CUL5: variants seen among roughly 807,000 people sequenced by gnomAD.
CUL5 encodes cullin 5.
Under a neutral mutation model 108.8 loss-of-function variants are expected in CUL5, and 26 were observed. That is an observed-to-expected ratio of 0.24 (90% CI 0.18 to 0.33). The LOEUF (loss-of-function observed/expected upper bound fraction) is 0.33, where lower values mean the gene tolerates loss of function less well. Among genes scored for constraint, CUL5 ranks in the 10% least tolerant of loss-of-function variants. The pLI, the probability that CUL5 is intolerant of heterozygous loss-of-function variation, is 1.00. For synonymous variants in CUL5, 334 were observed against 298.0 expected (o/e 1.12, Z -1.25); for missense variants, 524 against 909.2 (o/e 0.58, Z 5.45).
At chr11:108,087,314 T>A (rs1864242704) in intron 11 of CUL5, among the ~76,000 whole-genome samples, 1 of 152,234 alleles carries the variant, frequency 6.6e-6, no homozygotes, top group African/African-American at 2.4e-5. Context: ...TATGTATGTG[T>A]ATGCACGATG....
intron 1 of CUL5, among the ~76,000 whole-genome samples, chr11:108,028,009 A>G (rs1862492859): frequency 6.6e-6 from 1 of 152,106 alleles, no homozygotes; most frequent in Non-Finnish European, 1.5e-5. Flanking sequence ...GGATATCTAA[A>G]ACCTCAGGCT....
At chr11:108,024,153 T>A (rs947574197) in intron 1 of CUL5, among the ~76,000 whole-genome samples, 1 of 152,236 alleles carries the variant, frequency 6.6e-6, no homozygotes, top group African/African-American at 2.4e-5. Flanking sequence ...AGAATGTGGC[T>A]TTAACAGAGC....
chr11:108,066,836 C>G, intron 7 of CUL5, among the ~76,000 whole-genome samples: 1 of 152,178 alleles, frequency 6.6e-6, no homozygotes, highest in East Asian at 1.9e-4. Context: ...TGAAGATCTT[C>G]TTTTCATACA....
At chr11:108,098,610 T>G in intron 18 of CUL5, 81 bp downstream of exon 18, 1 of 1,235,768 alleles carries the variant, frequency 8.1e-7, no homozygotes, top group Non-Finnish European at 1.1e-6. Context: ...AAATCTTTTT[T>G]GAATTTAAAA....
rs1862654782 is a variant in CUL5, at chr11:108,033,782, T to A, written c.25-20T>A. ...AACTGCATTTAAATTAAACTCCCTTTTATCTTTTTTTTTTTCAAGAATAAA... is the reference window on the plus strand; with the variant it reads ...AACTGCATTTAAATTAAACTCCCTTATATCTTTTTTTTTTTCAAGAATAAA... On this transcript the variant is annotated intron_variant, in intron 1 of 18. Transcript: ENST00000393094. 2 of 1,465,272 alleles carry A rather than the reference T, an allele frequency of 1.4e-6. No homozygotes were observed. The highest frequency in any genetic ancestry group is 1.9e-6 in the Non-Finnish European group (2 of 1,063,286). 90.8% of individuals were successfully genotyped at this position (1,465,272 alleles called of 1,614,324 possible). A position where few individuals can be genotyped will look rare whatever the true frequency, so the allele number is the denominator to read the frequency against.
intron 2 of CUL5, among the ~76,000 whole-genome samples, chr11:108,044,433 A>T (rs1863015072): frequency 1.3e-5 from 2 of 152,034 alleles, no homozygotes; most frequent in African/African-American, 4.8e-5. Context: ...GGTTGAGCCC[A>T]GGAGGTTGAG....
chr11:108,033,269 G>A (rs371484686), intron 1 of CUL5, among the ~76,000 whole-genome samples: 65 of 152,270 alleles, frequency 4.3e-4, no homozygotes, highest in African/African-American at 1.5e-3. Context: ...AACCTTTACT[G>A]TTGAGTTTTG....
chr11:108,037,127 C>CA (rs1565239821), intron 2 of CUL5, among the ~76,000 whole-genome samples: 1 of 151,680 alleles, frequency 6.6e-6, no homozygotes, highest in Non-Finnish European at 1.5e-5. Flanking sequence ...AAAAAAAAAA[C>CA]AAAAACAGAG....
intron 11 of CUL5, among the ~76,000 whole-genome samples, chr11:108,080,297 C>T (rs999800799): frequency 1.3e-5 from 2 of 151,916 alleles, no homozygotes; most frequent in Admixed American, 6.6e-5. Context: ...CTGCGTTGCT[C>T]AGGCTGGTGT....
At chr11:108,089,118 T>C (rs998455004) in intron 12 of CUL5, among the ~76,000 whole-genome samples, 10 of 152,162 alleles carry the variant, frequency 6.6e-5, no homozygotes, top group African/African-American at 2.2e-4. Flanking sequence ...AAATAAGATA[T>C]TGGGCAAGTG....
intron 9 of CUL5, among the ~76,000 whole-genome samples, chr11:108,073,116 G>A (rs1385836025): frequency 6.6e-6 from 1 of 151,762 alleles, no homozygotes; most frequent in Admixed American, 6.6e-5. Context: ...GCAGGAGAAT[G>A]GCGTGAACCC....
At chr11:108,025,328 C>A (rs772611899) in intron 1 of CUL5, among the ~76,000 whole-genome samples, 4 of 151,880 alleles carry the variant, frequency 2.6e-5, no homozygotes, top group Non-Finnish European at 4.4e-5. Context: ...TGTTTCTTTG[C>A]ATGCTTGGTA....
intron 16 of CUL5, 101 bp downstream of exon 16, chr11:108,095,792 A>G: frequency 8.9e-7 from 1 of 1,120,998 alleles, no homozygotes; most frequent in Non-Finnish European, 1.3e-6. Flanking sequence ...CAGTTTCAGA[A>G]TGTCTTATCA....
chr11:108,058,687 C>T (rs1258825207), intron 7 of CUL5, among the ~76,000 whole-genome samples: 2 of 151,772 alleles, frequency 1.3e-5, no homozygotes, highest in African/African-American at 2.4e-5. Context: ...GGAGTTAAGA[C>T]CTGAATGATA....
intron 1 of CUL5, among the ~76,000 whole-genome samples, chr11:108,032,141 A>G (rs1591284133): frequency 1.3e-5 from 2 of 152,320 alleles, no homozygotes; most frequent in African/African-American, 2.4e-5. Context: ...ACAAACCTGC[A>G]CATCCTACAC....
intron 1 of CUL5, among the ~76,000 whole-genome samples, chr11:108,011,381 C>G (rs1183302745): frequency 6.6e-6 from 1 of 152,162 alleles, no homozygotes; most frequent in Non-Finnish European, 1.5e-5. Flanking sequence ...AATCTACATC[C>G]ACAGCACAGA....
intron 18 of CUL5, among the ~76,000 whole-genome samples, chr11:108,102,187 A>G (rs1410018616): frequency 6.6e-6 from 1 of 151,694 alleles, no homozygotes; most frequent in Non-Finnish European, 1.5e-5. Flanking sequence ...ACACTGAGCT[A>G]TTTTTTGTAT....
At chr11:108,075,810 A>G (rs1304325504) in intron 10 of CUL5, among the ~76,000 whole-genome samples, 2 of 151,856 alleles carry the variant, frequency 1.3e-5, no homozygotes, top group African/African-American at 2.4e-5. Context: ...GTGAGCCACC[A>G]CCCCTGGCCC....
In CUL5 at chr11:108,105,388, A is replaced by T. The variant is rs11212512; in HGVS notation, c.*1004A>T. The T allele has an allele frequency of 0.21, 32,597 of 152,300 alleles. 3,595 individuals carry two copies. The highest frequency in any genetic ancestry group is 0.23 in the Non-Finnish European group (15,436 of 67,924). The allele number at this position is 152,300 out of a possible 1,614,324, so 9.4% of individuals were successfully genotyped here. ...AAGTATTTTGGTATTTTAAGGTCTC[A>T]TGATTAGGGATTTGTAGCCTCAGGT... is the stretch of plus-strand genomic sequence containing the variant. On this transcript the variant is annotated 3_prime_UTR_variant, in exon 19 of 19. Coordinates refer to ENST00000393094, the MANE Select transcript of CUL5 (RefSeq NM_003478.6).
Sources: allele counts gnomAD v4.1 joint callset (sites outside exome capture counted in the v4.1 genomes callset), GRCh38; gene constraint gnomAD v4.1.1; transcripts MANE v1.5; gene names NCBI Gene and HGNC (gene_info 2026-07-23, HGNC 2026-07-21).